Variants in CXADR observed in about 807,000 individuals in gnomAD.
CXADR encodes coxsackievirus and adenovirus receptor.
Under a neutral mutation model 40.3 loss-of-function variants are expected in CXADR, and 20 were observed. The observed-to-expected ratio is 0.50, with a 90% CI of 0.35 to 0.72. The LOEUF is 0.72. Among genes scored for constraint, CXADR ranks in the 30% least tolerant of loss-of-function variants. CXADR has a pLI of 0.01. For missense variants in CXADR, 332 were observed against 449.1 expected, an observed-to-expected ratio of 0.74 and a Z score of 2.36; for synonymous variants, 150 against 161.3, an observed-to-expected ratio of 0.93 and a Z score of 0.53.
intron 7 of CXADR, among the ~76,000 whole-genome samples, chr21:17,586,881 C>T (rs914095538): frequency 1.3e-5 from 2 of 152,180 alleles, no homozygotes; most frequent in Non-Finnish European, 2.9e-5. Flanking sequence ...AATGCTGTCC[C>T]TCCTCCCTCC....
the CXADR span, among the ~76,000 whole-genome samples, chr21:17,601,145 AGAGT>A: frequency 2.0e-5 from 3 of 151,786 alleles, no homozygotes; most frequent in Non-Finnish European, 2.9e-5. Context: ...CCTGGGCGAC[AGAGT>A]GAGACTCCGT....
chr21:17,546,971 G>C, intron 1 of CXADR, 56 bp from the exon 2 acceptor site: 2 of 1,593,358 alleles, frequency 1.3e-6, no homozygotes, highest in Non-Finnish European at 1.7e-6. Context: ...GCGGGGCACT[G>C]TGTGGGCTGT....
intron 4 of CXADR, among the ~76,000 whole-genome samples, chr21:17,559,617 T>G (rs2061081954): frequency 1.3e-5 from 2 of 152,096 alleles, no homozygotes; most frequent in Non-Finnish European, 2.9e-5. Context: ...TGAAGAGCTA[T>G]TCTATGATTT....
chr21:17,559,211 T>C, intron 4 of CXADR, 80 bp downstream of exon 4: 2 of 1,458,618 alleles, frequency 1.4e-6, no homozygotes, highest in Non-Finnish European at 1.9e-6. Context: ...TGATTTGAGA[T>C]AGGGCCTTGC....
the CXADR span, among the ~76,000 whole-genome samples, chr21:17,615,089 G>A: frequency 6.6e-6 from 1 of 152,196 alleles, no homozygotes; most frequent in South Asian, 2.1e-4. Context: ...TGGAGGTGGG[G>A]CCTTTGGGAG....
At chr21:17,553,054 C>T (rs139293515) in intron 3 of CXADR, among the ~76,000 whole-genome samples, 2,300 of 152,240 alleles carry the variant, frequency 0.015, 48 homozygotes, top group African/African-American at 0.045. Flanking sequence ...TCCCAAGTAG[C>T]TGGGATTACA....
At chr21:17,532,105 A>AT (rs1035475726) in intron 1 of CXADR, among the ~76,000 whole-genome samples, 67 of 149,320 alleles carry the variant, frequency 4.5e-4, no homozygotes, top group African/African-American at 1.4e-3. Context: ...TAACTTAAAA[A>AT]TTTTTTTTTT....
At chr21:17,565,404 T>C (rs748049887) in intron 6 of CXADR, 24 bp from the exon 7 acceptor site, 5 of 1,608,052 alleles carry the variant, frequency 3.1e-6, no homozygotes, top group Admixed American at 3.4e-5. Context: ...TCTCTTGACA[T>C]GTATTGGGGA....
the CXADR span, chr21:17,611,744 A>G: frequency 1.3e-5 from 2 of 152,232 alleles, no homozygotes; most frequent in Admixed American, 1.3e-4. Flanking sequence ...CTCAAGTTCT[A>G]CTTTGTTCCA....
intron 2 of CXADR, among the ~76,000 whole-genome samples, chr21:17,550,567 GT>G (rs2060954008): frequency 6.6e-6 from 1 of 152,126 alleles, no homozygotes; most frequent in African/African-American, 2.4e-5. Flanking sequence ...CCGTAGTTGT[GT>G]TTCCTGATTA....
At chr21:17,521,107 C>T (rs1405448061) in intron 1 of CXADR, among the ~76,000 whole-genome samples, 4 of 151,718 alleles carry the variant, frequency 2.6e-5, no homozygotes, top group Admixed American at 6.6e-5. Context: ...AAATGTGAGG[C>T]GGGGGAAACA....
chr21:17,540,885 AAT>A (rs1222820167), intron 1 of CXADR, among the ~76,000 whole-genome samples: 1 of 152,170 alleles, frequency 6.6e-6, no homozygotes, highest in Non-Finnish European at 1.5e-5. Context: ...TTATATTTGA[AAT>A]ATGTTACGTT....
At chr21:17,626,288 A>G in the CXADR span, among the ~76,000 whole-genome samples, 1 of 152,240 alleles carries the variant, frequency 6.6e-6, no homozygotes, top group Admixed American at 6.5e-5. Context: ...ATTTTTGAGC[A>G]CATGCTAAAT....
the CXADR span, among the ~76,000 whole-genome samples, chr21:17,635,781 C>A: frequency 1.3e-5 from 2 of 152,178 alleles, no homozygotes; most frequent in Admixed American, 6.6e-5. Flanking sequence ...AGATCTTCTG[C>A]ACTTTAATTT....
At position 17,569,368 on chromosome 21, in the gene CXADR, A is replaced by T. The variant is rs944963570; in HGVS notation, c.*3676A>T. On this transcript the variant is annotated 3_prime_UTR_variant, in exon 7 of 7. Transcript: ENST00000284878. ...TTAGTGGCTTGTGACATTATATATT[A>T]TATATATATATGTACATATATCTTT... The T allele has an allele frequency of 8.1e-5, 50 of 620,576 alleles. No homozygotes were observed. Among genetic ancestry groups the T allele is most frequent in the Admixed American group, 9.7e-5 (1 of 10,292 alleles). 38.4% of individuals were successfully genotyped at this position (620,576 alleles called of 1,614,324 possible).
At chr21:17,588,479 T>C (rs949531147) in intron 7 of CXADR, among the ~76,000 whole-genome samples, 7 of 152,186 alleles carry the variant, frequency 4.6e-5, no homozygotes, top group African/African-American at 1.7e-4. Context: ...CGTAGGTATT[T>C]TATTCTCTTT....
At chr21:17,518,589 A>G (rs2060490261) in intron 1 of CXADR, 2 of 1,301,144 alleles carry the variant, frequency 1.5e-6, no homozygotes, top group East Asian at 4.6e-5. Flanking sequence ...CATCCTCCTC[A>G]TCAGTGTCTT....
In CXADR at chr21:17,538,680, G is replaced by C. The variant is rs544774798; in HGVS notation, c.44-8347G>C. Among the ~76,000 whole-genome samples the C allele has an allele frequency of 9.9e-5, 15 of 152,200 alleles. 1 individual carries two copies. In the South Asian group the frequency reaches 3.1e-3, roughly 32 times the overall value. On this transcript the variant is annotated intron_variant, in intron 1 of 6. Coordinates refer to ENST00000284878, the MANE Select transcript of CXADR (RefSeq NM_001338.5). ...AATAAAAATAAAATTAGTGGGCATG[G>C]TGGCACATACCTGTAGTCCCAGCTC...
the CXADR span, among the ~76,000 whole-genome samples, chr21:17,630,816 C>T: frequency 3.3e-5 from 5 of 151,984 alleles, no homozygotes; most frequent in Non-Finnish European, 5.9e-5. Flanking sequence ...AATTCTGCTT[C>T]CTACTCAGCT....
Sources: gnomAD v4.1 joint callset for allele counts (sites outside exome capture counted in the v4.1 genomes callset) on GRCh38, gnomAD v4.1.1 for gene constraint, MANE v1.5 for transcripts, NCBI Gene and HGNC (gene_info 2026-07-23, HGNC 2026-07-21) for gene names.